TIAM2: variants seen among roughly 807,000 people sequenced by gnomAD.
TIAM2 encodes TIAM Rac1 associated GEF 2.
In TIAM2, 80 loss-of-function variants were observed where a neutral mutation model predicts 152.9. The observed-to-expected ratio is 0.52, with a 90% CI of 0.44 to 0.63. The LOEUF (loss-of-function observed/expected upper bound fraction) is 0.63, where lower values mean the gene tolerates loss of function less well. Among genes scored for constraint, TIAM2 ranks in the 30% least tolerant of loss-of-function variants. The pLI is 0.00. For missense variants in TIAM2, 1,965 were observed against 2,120.1 expected (o/e 0.93, Z 1.44); for synonymous variants, 804 against 838.0 (o/e 0.96, Z 0.70).
At chr6:155,056,002 A>G (rs1777442481) in intron 1 of TIAM2, among the ~76,000 whole-genome samples, 1 of 152,092 alleles carries the variant, frequency 6.6e-6, no homozygotes, top group African/African-American at 2.4e-5. Flanking sequence ...TTGAGCCTCT[A>G]TGGCCAGAAA....
At chr6:155,146,819 A>G (rs909512277) in intron 6 of TIAM2, among the ~76,000 whole-genome samples, 17 of 137,608 alleles carry the variant, frequency 1.2e-4, no homozygotes, top group African/African-American at 4.8e-4. Context: ...GTGTTTCACT[A>G]TGTTGGCCAG....
At chr6:155,017,544 G>C (rs143898460) in intron 1 of TIAM2, among the ~76,000 whole-genome samples, 17 of 132,218 alleles carry the variant, frequency 1.3e-4, no homozygotes, top group South Asian at 2.4e-4. Flanking sequence ...TCACTCTGTC[G>C]CCAGGCTGGA....
chr6:155,220,847 C>T (rs1001124483), intron 15 of TIAM2, among the ~76,000 whole-genome samples: 17 of 152,056 alleles, frequency 1.1e-4, no homozygotes, highest in Admixed American at 8.5e-4. Context: ...ACATGTGCCA[C>T]GCTGGTTTGC....
chr6:155,113,739 C>T (rs937118890), intron 2 of TIAM2, among the ~76,000 whole-genome samples: 2 of 151,696 alleles, frequency 1.3e-5, no homozygotes, highest in African/African-American at 4.8e-5. Context: ...AATTTATTTT[C>T]GTTGTTTATT....
chr6:155,250,905 C>T lies in TIAM2; in HGVS notation c.3952-8C>T. ...GTATCTTCCTTACCTCCTGTTTTTA[C>T]AATCTAGGTAACAGAACTTTCGATG... is the stretch of plus-strand genomic sequence containing the variant. On this transcript the variant is annotated splice_region_variant and splice_polypyrimidine_tract_variant and intron_variant, in intron 21 of 26. Transcript: ENST00000682666. The T allele has an allele frequency of 6.2e-7, 1 of 1,613,516 alleles. No homozygotes were observed. Among genetic ancestry groups the T allele is most frequent in the Non-Finnish European group, 8.5e-7 (1 of 1,179,478 alleles).
At chr6:155,016,183 A>G (rs1430168975) in intron 1 of TIAM2, 2 of 152,174 alleles carry the variant, frequency 1.3e-5, no homozygotes, top group Admixed American at 6.5e-5. Flanking sequence ...CCATAGAAAT[A>G]AAAGCAGCTG....
At chr6:155,121,810 T>A (rs1321116207) in intron 2 of TIAM2, 1 of 152,422 alleles carries the variant, frequency 6.6e-6, no homozygotes, top group Admixed American at 6.5e-5. Flanking sequence ...GCTGTAGATC[T>A]CCTTTTTTGC....
chr6:155,099,236 G>A (rs1477203685), intron 2 of TIAM2, among the ~76,000 whole-genome samples: 48 of 151,332 alleles, frequency 3.2e-4, no homozygotes, highest in Admixed American at 1.2e-3. Flanking sequence ...GTGTGTGTGT[G>A]TGTGTGTGTG....
chr6:155,193,207 C>A (rs772585973), intron 14 of TIAM2, among the ~76,000 whole-genome samples: 3 of 152,042 alleles, frequency 2.0e-5, no homozygotes, highest in Non-Finnish European at 4.4e-5. Flanking sequence ...GAGATTGAGA[C>A]CAGCCTGGGC....
intron 15 of TIAM2, among the ~76,000 whole-genome samples, chr6:155,222,985 A>G (rs1283854246): frequency 2.6e-5 from 4 of 152,216 alleles, no homozygotes; most frequent in Non-Finnish European, 5.9e-5. Context: ...GAAGGTCAGG[A>G]TGGTTAGATA....
At position 155,218,426 on chromosome 6, in the gene TIAM2, G is replaced by A. The variant is rs1390036157; in HGVS notation, c.3168+7119G>A. Reference sequence around the variant, plus strand: ...TATGTTGGAAAGAACTCGACCTGATGCTTAAACCTGAATTTGTATTCCCAT... The same window carrying A: ...TATGTTGGAAAGAACTCGACCTGATACTTAAACCTGAATTTGTATTCCCAT... On this transcript the variant is annotated intron_variant, in intron 15 of 26. Transcript: ENST00000682666. This position sits in a 1 kb window ranked among gnomAD's most constrained non-coding sequence, Gnocchi z 4.5. Among the ~76,000 whole-genome samples, 2 of 152,182 alleles carry A rather than the reference G, an allele frequency of 1.3e-5. No homozygotes were observed. Among genetic ancestry groups the A allele is most frequent in the African/African-American group, 4.8e-5 (2 of 41,448 alleles).
At chr6:155,148,420 T>C in intron 7 of TIAM2, 86 bp downstream of exon 7, 1 of 1,337,164 alleles carries the variant, frequency 7.5e-7, no homozygotes, top group Non-Finnish European at 1.0e-6. Context: ...TTGGTGGTAT[T>C]TCTTGGCTCA....
intron 14 of TIAM2, among the ~76,000 whole-genome samples, chr6:155,188,442 A>C (rs923643084): frequency 3.3e-5 from 5 of 152,238 alleles, no homozygotes; most frequent in African/African-American, 9.6e-5. Flanking sequence ...TTTGCCTAGA[A>C]GGGCTTAAAT....
intron 1 of TIAM2, among the ~76,000 whole-genome samples, chr6:154,996,505 C>T (rs1453343263): frequency 2.0e-5 from 3 of 152,156 alleles, no homozygotes; most frequent in Non-Finnish European, 4.4e-5. Flanking sequence ...ACACATTCTA[C>T]CTTTTGCTCC....
intron 6 of TIAM2, among the ~76,000 whole-genome samples, chr6:155,146,587 A>C (rs1442860669): frequency 1.3e-5 from 2 of 151,742 alleles, no homozygotes; most frequent in African/African-American, 4.9e-5. Flanking sequence ...TCTTTTAAAA[A>C]ATGTATCATT....
At chr6:155,065,980 A>G (rs1331283217) in intron 1 of TIAM2, among the ~76,000 whole-genome samples, 1 of 152,084 alleles carries the variant, frequency 6.6e-6, no homozygotes, top group Non-Finnish European at 1.5e-5. Context: ...GGAGGTATAA[A>G]GGTATTTGAT....
intron 2 of TIAM2, among the ~76,000 whole-genome samples, chr6:155,092,043 C>T (rs994150465): frequency 3.9e-5 from 6 of 152,130 alleles, no homozygotes; most frequent in African/African-American, 1.4e-4. Context: ...GACCACAGGC[C>T]CACACCACTG....
chr6:155,191,979 T>G (rs1781216427), intron 14 of TIAM2, among the ~76,000 whole-genome samples: 2 of 152,154 alleles, frequency 1.3e-5, no homozygotes, highest in African/African-American at 4.8e-5. Flanking sequence ...TTCAAAAGAC[T>G]TTGAAGATAT....
chr6:155,089,666 C>T (rs550342432), intron 1 of TIAM2, among the ~76,000 whole-genome samples: 3 of 152,310 alleles, frequency 2.0e-5, no homozygotes, highest in Admixed American at 2.0e-4. Flanking sequence ...AGATTTCAGG[C>T]TAGTTGTCAT....
Sources: gnomAD v4.1 joint callset for allele counts (sites outside exome capture counted in the v4.1 genomes callset) on GRCh38, gnomAD v4.1.1 for gene constraint, Gnocchi (gnomAD v3.1) non-coding constraint, MANE v1.5 for transcripts, NCBI Gene and HGNC (gene_info 2026-07-23, HGNC 2026-07-21) for gene names.